Variants in MOB1A observed in about 807,000 individuals in gnomAD.
MOB1A encodes the protein MOB kinase activator 1A, also known as MOB1 Mps One Binder homolog A.
In MOB1A, 10 loss-of-function variants were observed where a neutral mutation model predicts 25.1. The observed-to-expected ratio is 0.40, with a 90% CI of 0.25 to 0.68. The LOEUF is 0.68. Ranked by LOEUF, MOB1A falls within the 30% of genes least tolerant of loss-of-function variation. MOB1A has a pLI of 0.40. For synonymous variants in MOB1A, 81 were observed against 79.5 expected (o/e 1.02, Z -0.10); for missense variants, 177 against 256.3 (o/e 0.69, Z 2.11).
Position 74,172,619 on chromosome 2 carries a change from C to T in MOB1A, c.148G>A (p.Gly50Arg), listed in dbSNP as rs762129084. The change falls in exon 2 of 6, where the codon GGA becomes AGA. Residue 50 changes from glycine (G) to arginine (R), a missense_variant. Gly to Arg is a moderately radical substitution (Grantham distance 125). Transcript: ENST00000396049. ...GCAATCCATTCATTGAGATCCTCTC[C>T]CTCAGGCAACATAACAGCTTGTCTC... ...NLRQAVMLPE[G>R]EDLNEWIAVN... The T allele has an allele frequency of 4.3e-6, 7 of 1,613,836 alleles. No individual in the cohort carries two copies. The Admixed American group carries it at 1.2e-4, about 27-fold the overall frequency.
chr2:74,166,104 T>C (rs151213816), intron 3 of MOB1A, among the ~76,000 whole-genome samples: 92 of 151,294 alleles, frequency 6.1e-4, no homozygotes, highest in Middle Eastern at 3.4e-3. Context: ...AGTCATTTAT[T>C]ATAAGAAAAA....
At chr2:74,166,470 A>T (rs1233288008) in intron 3 of MOB1A, among the ~76,000 whole-genome samples, 3 of 152,258 alleles carry the variant, frequency 2.0e-5, no homozygotes, top group African/African-American at 4.8e-5. Flanking sequence ...CTATAATAAA[A>T]CATTCAGACT....
chr2:74,170,577 A>G (rs1490935960), intron 2 of MOB1A, among the ~76,000 whole-genome samples: 1 of 151,866 alleles, frequency 6.6e-6, no homozygotes, highest in Non-Finnish European at 1.5e-5. Flanking sequence ...TCTACTAAAA[A>G]TAGAAAAATT....
chr2:74,172,768 T>C lies in MOB1A; in HGVS notation c.15-16A>G, dbSNP rs1409707810. ...GCGGCTGCTGCTGTAAGATTAAAAGTGCAAGTATATGAATTTTTAAGACTG... is the reference window on the plus strand; with the variant it reads ...GCGGCTGCTGCTGTAAGATTAAAAGCGCAAGTATATGAATTTTTAAGACTG... On this transcript the variant is annotated splice_polypyrimidine_tract_variant and intron_variant, in intron 1 of 5. Coordinates refer to ENST00000396049, the MANE Select transcript of MOB1A (RefSeq NM_018221.5). 8 of 1,605,814 alleles carry C rather than the reference T, an allele frequency of 5.0e-6. No individual in the cohort carries two copies. Among genetic ancestry groups the C allele is most frequent in the African/African-American group, 2.7e-5 (2 of 74,792 alleles).
At position 74,154,047 on chromosome 2, in the gene MOB1A, T is replaced by G. The variant is rs1406072835; in HGVS notation, c.*2521A>C. The G allele has an allele frequency of 6.6e-6, 1 of 151,846 alleles. No individual in the cohort carries two copies. The highest frequency in any genetic ancestry group is 6.6e-5 in the Admixed American group (1 of 15,236). The allele number at this position is 151,846 out of a possible 1,614,324, so 9.4% of individuals were successfully genotyped here. On this transcript the variant is annotated 3_prime_UTR_variant, in exon 6 of 6. Coordinates refer to ENST00000396049, the MANE Select transcript of MOB1A (RefSeq NM_018221.5). Reference sequence around the variant, plus strand: ...ATGACTAAAAATAGAAAAAATTAGCTGGGCGTGGTGGCGGGCACCTGTAGT... The same window carrying G: ...ATGACTAAAAATAGAAAAAATTAGCGGGGCGTGGTGGCGGGCACCTGTAGT...
chr2:74,166,092 T>C (rs1172138148), intron 3 of MOB1A, among the ~76,000 whole-genome samples: 1 of 151,230 alleles, frequency 6.6e-6, no homozygotes, highest in African/African-American at 2.4e-5. Context: ...TCACATAAAA[T>C]CAGTCATTTA....
At chr2:74,162,818 GGAGT>G (rs1051633781) in intron 4 of MOB1A, among the ~76,000 whole-genome samples, 1 of 151,990 alleles carries the variant, frequency 6.6e-6, no homozygotes, top group Non-Finnish European at 1.5e-5. Flanking sequence ...AAAATGACAA[GGAGT>G]GATTTCATCC....
chr2:74,163,710 G>T (rs552476255), intron 4 of MOB1A, among the ~76,000 whole-genome samples: 1 of 151,994 alleles, frequency 6.6e-6, no homozygotes. Context: ...CTGGAAACCA[G>T]ATTATCAATA....
intron 4 of MOB1A, among the ~76,000 whole-genome samples, chr2:74,160,420 C>A (rs1692934242): frequency 6.6e-6 from 1 of 152,200 alleles, no homozygotes; most frequent in Non-Finnish European, 1.5e-5. Context: ...CACAGTGGCT[C>A]ACGCCTGTAA....
intron 4 of MOB1A, among the ~76,000 whole-genome samples, chr2:74,160,436 G>A (rs1394837474): frequency 6.6e-6 from 1 of 152,226 alleles, no homozygotes; most frequent in Non-Finnish European, 1.5e-5. Context: ...TGTAATCCCA[G>A]CACTTTGGGA....
rs1214121144 is a variant in MOB1A, at chr2:74,154,368, A to C, written c.*2200T>G. 6.6e-6 allele frequency: 1 copy of C among 152,070 alleles called. No homozygotes were observed. Among genetic ancestry groups the C allele is most frequent in the South Asian group, 2.1e-4 (1 of 4,818 alleles). The allele number at this position is 152,070 out of a possible 1,614,324, so 9.4% of individuals were successfully genotyped here. A position where few individuals can be genotyped will look rare whatever the true frequency, so the allele number is the denominator to read the frequency against. ...TAATATTTCAGTGCACTGTTGGTTA[A>C]GCCAGATTGGCTTGGGAACCTGGTA... is the stretch of plus-strand genomic sequence containing the variant. On this transcript the variant is annotated 3_prime_UTR_variant, in exon 6 of 6. Transcript: ENST00000396049.
chr2:74,169,605 A>C (rs1016981400), intron 2 of MOB1A, among the ~76,000 whole-genome samples: 1 of 152,078 alleles, frequency 6.6e-6, no homozygotes, highest in Admixed American at 6.6e-5. Flanking sequence ...GGGGTTCTCA[A>C]TAATTTTTTT....
intron 1 of MOB1A, 82 bp downstream of exon 1, chr2:74,178,579 C>CGAGCCCTCGCCTCAGGTCCGGG: frequency 9.4e-7 from 1 of 1,065,404 alleles, no homozygotes; most frequent in Non-Finnish European, 1.2e-6. Context: ...GCCCCCAGGC[C>CGAGCCCTCGCCTCAGGTCCGGG]GAGCCCTCGC....
intron 2 of MOB1A, among the ~76,000 whole-genome samples, chr2:74,169,779 C>G (rs1693233493): frequency 6.6e-6 from 1 of 151,904 alleles, no homozygotes; most frequent in South Asian, 2.1e-4. Flanking sequence ...CAGGTGTGTG[C>G]CACCACACCC....
intron 4 of MOB1A, among the ~76,000 whole-genome samples, chr2:74,160,859 GA>G (rs1005765195): frequency 6.6e-6 from 1 of 152,120 alleles, no homozygotes; most frequent in African/African-American, 2.4e-5. Flanking sequence ...AGGAGTTCGA[GA>G]CCAGCCTGAC....
intron 4 of MOB1A, among the ~76,000 whole-genome samples, chr2:74,161,581 G>A (rs544919696): frequency 4.0e-5 from 6 of 151,524 alleles, no homozygotes; most frequent in Admixed American, 1.3e-4. Flanking sequence ...CCCGGGAGGC[G>A]GAGCTTGCAG....
chr2:74,173,310 T>C (rs142320292), intron 1 of MOB1A: 1 of 461,548 alleles, frequency 2.2e-6, no homozygotes, highest in Non-Finnish European at 4.3e-6. Flanking sequence ...TCCTGGATTT[T>C]AGTTCTTGAT....
chr2:74,178,730 C>A lies in MOB1A; in HGVS notation c.-56G>T. On this transcript the variant is annotated 5_prime_UTR_variant, in exon 1 of 6. Transcript: ENST00000396049. The stretch of plus-strand genomic sequence containing the variant: ...CCTGGCCCCCGCCTGGATCAGGATT[C>A]GGAGCTGGCTAGAGGGAGCGGACCG... The A allele has an allele frequency of 1.0e-6, 1 of 965,512 alleles. No homozygotes were observed. Among genetic ancestry groups the A allele is most frequent in the Non-Finnish European group, 1.3e-6 (1 of 753,090 alleles). 59.8% of individuals were successfully genotyped at this position (965,512 alleles called of 1,614,324 possible). A position where few individuals can be genotyped will look rare whatever the true frequency, so the allele number is the denominator to read the frequency against.
chr2:74,172,840 C>G (rs747298857), intron 1 of MOB1A, 88 bp from the exon 2 acceptor site: 1 of 1,354,490 alleles, frequency 7.4e-7, no homozygotes, highest in South Asian at 1.3e-5. Context: ...ATAAAGTAGC[C>G]TGTAAAAATA....
Sources: allele counts gnomAD v4.1 joint callset (sites outside exome capture counted in the v4.1 genomes callset), GRCh38; gene constraint gnomAD v4.1.1; transcripts MANE v1.5; gene names NCBI Gene and HGNC (gene_info 2026-07-23, HGNC 2026-07-21).